The following MAML2 variants were observed in gnomAD, a reference collection of about 807,000 sequenced individuals.
MAML2 encodes mastermind like transcriptional coactivator 2.
In MAML2, 22 loss-of-function variants were observed where a neutral mutation model predicts 96.1. The observed-to-expected ratio is 0.23, with a 90% CI of 0.16 to 0.33. The LOEUF is 0.33. Ranked by LOEUF, MAML2 falls within the 10% of genes least tolerant of loss-of-function variation. The probability of loss-of-function intolerance (pLI) is 1.00; values close to 1 mark genes in which losing one functional copy is unlikely to be tolerated. For missense variants in MAML2, 1,367 were observed against 1,392.4 expected, an observed-to-expected ratio of 0.98 and a Z score of 0.29; for synonymous variants, 561 against 521.3, an observed-to-expected ratio of 1.08 and a Z score of -1.04.
At chr11:96,029,391 T>C (rs1858575724) in intron 2 of MAML2, among the ~76,000 whole-genome samples, 1 of 152,114 alleles carries the variant, frequency 6.6e-6, no homozygotes, top group South Asian at 2.1e-4. Flanking sequence ...GGAGACTAGT[T>C]TGTCTTCCAA....
intron 1 of MAML2, among the ~76,000 whole-genome samples, chr11:96,180,623 C>T (rs1212921477): frequency 6.6e-6 from 1 of 152,072 alleles, no homozygotes; most frequent in African/African-American, 2.4e-5. Context: ...CCAAAGGGAG[C>T]CAATCTGGAC....
chr11:96,098,303 T>A (rs1591012183), intron 1 of MAML2, among the ~76,000 whole-genome samples: 1 of 152,146 alleles, frequency 6.6e-6, no homozygotes, highest in East Asian at 1.9e-4. Flanking sequence ...CCATATCCTA[T>A]CAAATCATCC....
chr11:96,205,838 G>A (rs991477243), intron 1 of MAML2, among the ~76,000 whole-genome samples: 2 of 152,136 alleles, frequency 1.3e-5, no homozygotes, highest in Non-Finnish European at 2.9e-5. Context: ...TGCTCCTTTG[G>A]AAAGATTCCC....
chr11:96,333,956 A>C (rs1863885403), intron 1 of MAML2, among the ~76,000 whole-genome samples: 1 of 152,204 alleles, frequency 6.6e-6, no homozygotes, highest in South Asian at 2.1e-4. Context: ...ACTGAATGGA[A>C]ACCCAGACTG....
intron 1 of MAML2, among the ~76,000 whole-genome samples, chr11:96,285,818 G>A (rs1479790757): frequency 6.6e-6 from 1 of 152,138 alleles, no homozygotes; most frequent in African/African-American, 2.4e-5. Flanking sequence ...AAAAAGTCAA[G>A]AAACAACAGA....
rs115782778 is a variant in MAML2, at chr11:96,135,956, T to C, written c.514-42439A>G. Among the ~76,000 whole-genome samples, 1,093 of 152,280 alleles carry C rather than the reference T, an allele frequency of 7.2e-3. 22 individuals are homozygous for C. The highest frequency in any genetic ancestry group is 0.025 in the African/African-American group (1,038 of 41,564). On this transcript the variant is annotated intron_variant, in intron 1 of 4. Transcript: ENST00000524717. The stretch of plus-strand genomic sequence containing the variant: ...ACAGTAGATACTTAATAGATTTTTG[T>C]TGAAATGAATTAATTTTGAACTAAA...
intron 2 of MAML2, among the ~76,000 whole-genome samples, chr11:96,055,425 A>AG (rs545043210): frequency 1.8e-4 from 27 of 152,270 alleles, no homozygotes; most frequent in East Asian, 1.2e-3. Flanking sequence ...GGAAAGAGGC[A>AG]GGGGGGAAAA....
At chr11:96,083,835 A>G (rs960338443) in intron 2 of MAML2, among the ~76,000 whole-genome samples, 4 of 152,146 alleles carry the variant, frequency 2.6e-5, no homozygotes, top group East Asian at 3.9e-4. Context: ...GGAGATTCAC[A>G]AGAACAAAGA....
At chr11:96,083,394 A>G (rs1859558091) in intron 2 of MAML2, among the ~76,000 whole-genome samples, 1 of 152,180 alleles carries the variant, frequency 6.6e-6, no homozygotes, top group Non-Finnish European at 1.5e-5. Flanking sequence ...TTTTATCCGT[A>G]TGATTTCCCC....
chr11:96,194,711 G>A (rs1345469960), intron 1 of MAML2, among the ~76,000 whole-genome samples: 2 of 152,076 alleles, frequency 1.3e-5, no homozygotes, highest in Non-Finnish European at 2.9e-5. Context: ...AAATTCCTTG[G>A]GGAAAAATGT....
intron 4 of MAML2, among the ~76,000 whole-genome samples, chr11:95,981,798 A>G (rs11824891): frequency 0.16 from 23,923 of 152,146 alleles, 3,613 homozygotes; most frequent in African/African-American, 0.39. Context: ...TGAAAGTTTC[A>G]TATCAAGGGA....
At chr11:95,984,477 A>G (rs570276001) in intron 4 of MAML2, among the ~76,000 whole-genome samples, 2 of 152,298 alleles carry the variant, frequency 1.3e-5, no homozygotes, top group African/African-American at 4.8e-5. Flanking sequence ...CTTTAGAGAC[A>G]GTGTCTCAAT....
chr11:96,189,100 T>C (rs554649540), intron 1 of MAML2, among the ~76,000 whole-genome samples: 2 of 151,684 alleles, frequency 1.3e-5, no homozygotes, highest in East Asian at 3.9e-4. Flanking sequence ...GTTCCACTCA[T>C]GGAAATGACC....
intron 1 of MAML2, among the ~76,000 whole-genome samples, chr11:96,315,556 T>C (rs1481457512): frequency 2.0e-5 from 3 of 152,208 alleles, no homozygotes; most frequent in Admixed American, 6.5e-5. Context: ...GACTCCTGTT[T>C]TTTTCATAGA....
At chr11:96,064,056 C>G (rs1177739565) in intron 2 of MAML2, among the ~76,000 whole-genome samples, 1 of 152,190 alleles carries the variant, frequency 6.6e-6, no homozygotes, top group Non-Finnish European at 1.5e-5. Flanking sequence ...TGTTGTTGTA[C>G]AGTGCCTTCT....
At chr11:96,263,000 G>T (rs1376179543) in intron 1 of MAML2, among the ~76,000 whole-genome samples, 1 of 152,066 alleles carries the variant, frequency 6.6e-6, no homozygotes, top group Non-Finnish European at 1.5e-5. Flanking sequence ...ATTGCTAATA[G>T]TAAACTGCTT....
chr11:96,051,985 T>C (rs539053053), intron 2 of MAML2, among the ~76,000 whole-genome samples: 2 of 152,210 alleles, frequency 1.3e-5, no homozygotes, highest in Non-Finnish European at 2.9e-5. Flanking sequence ...GACTATGAGA[T>C]GAAATGAAAC....
At chr11:96,186,336 TC>T (rs1346543968) in intron 1 of MAML2, among the ~76,000 whole-genome samples, 4 of 152,214 alleles carry the variant, frequency 2.6e-5, no homozygotes, top group Non-Finnish European at 5.9e-5. Context: ...ACGCCTGTAA[TC>T]CCAGCACTTT....
chr11:96,203,230 G>T (rs1861850783), intron 1 of MAML2, among the ~76,000 whole-genome samples: 1 of 152,128 alleles, frequency 6.6e-6, no homozygotes, highest in Admixed American at 6.5e-5. Flanking sequence ...CTGACTTCAT[G>T]GTGTTTACAC....
Sources: gnomAD v4.1 joint callset for allele counts (sites outside exome capture counted in the v4.1 genomes callset) on GRCh38, gnomAD v4.1.1 for gene constraint, MANE v1.5 for transcripts, NCBI Gene and HGNC (gene_info 2026-07-23, HGNC 2026-07-21) for gene names.